Variants in RBFOX1 observed in about 807,000 individuals in gnomAD.
RBFOX1 encodes RNA binding fox-1 homolog 1.
In RBFOX1, 8 loss-of-function variants were observed where a neutral mutation model predicts 57.7. The observed-to-expected ratio is 0.14, with a 90% confidence interval of 0.08 to 0.25. RBFOX1 has a LOEUF of 0.25. RBFOX1 is among the 10% of genes least tolerant of loss of function. RBFOX1 has a pLI of 1.00. For synonymous variants in RBFOX1, 326 were observed against 222.4 expected (o/e 1.47, Z -4.15); for missense variants, 611 against 548.5 (o/e 1.11, Z -1.14).
intron 14 of RBFOX1, among the ~76,000 whole-genome samples, chr16:7,692,785 A>G (rs2077632923): frequency 6.6e-6 from 1 of 152,264 alleles, no homozygotes; most frequent in African/African-American, 2.4e-5. Flanking sequence ...TTCAATTGAC[A>G]AGTTCTCTTA....
chr16:6,809,760 A>G (rs1490082321), intron 3 of RBFOX1, among the ~76,000 whole-genome samples: 1 of 151,900 alleles, frequency 6.6e-6, no homozygotes, highest in Non-Finnish European at 1.5e-5. Flanking sequence ...AGATGGGGCA[A>G]TCATAGAAAG....
chr16:5,857,970 T>A (rs1372599583), intron 3 of RBFOX1, among the ~76,000 whole-genome samples: 1 of 151,870 alleles, frequency 6.6e-6, no homozygotes, highest in African/African-American at 2.4e-5. Flanking sequence ...AGAAATGTTA[T>A]AAAATATCAT....
chr16:5,856,824 T>C (rs1208081833), intron 3 of RBFOX1, among the ~76,000 whole-genome samples: 3 of 151,676 alleles, frequency 2.0e-5, no homozygotes, highest in Non-Finnish European at 4.4e-5. Context: ...TAAGGGAATG[T>C]TGTGGCTTAT....
intron 3 of RBFOX1, among the ~76,000 whole-genome samples, chr16:5,721,826 GT>G (rs1434544949): frequency 6.6e-6 from 1 of 152,172 alleles, no homozygotes; most frequent in African/African-American, 2.4e-5. Context: ...CAAAGGGCTT[GT>G]AACTAGAGAA....
At chr16:5,631,359 C>T (rs111892146) in intron 3 of RBFOX1, among the ~76,000 whole-genome samples, 7 of 152,092 alleles carry the variant, frequency 4.6e-5, no homozygotes, top group African/African-American at 2.4e-5. Context: ...GAGTTCAAGA[C>T]CAGCCTGGCC....
intron 2 of RBFOX1, among the ~76,000 whole-genome samples, chr16:5,512,094 C>T (rs907917575): frequency 3.3e-5 from 5 of 152,086 alleles, no homozygotes; most frequent in Admixed American, 6.5e-5. Context: ...ATGTCTTGTC[C>T]GGAGGAGGGT....
At chr16:5,891,084 C>G (rs1282942387) in intron 4 of RBFOX1, among the ~76,000 whole-genome samples, 1 of 152,184 alleles carries the variant, frequency 6.6e-6, no homozygotes, top group African/African-American at 2.4e-5. Context: ...TGATACTTGT[C>G]AACCGTAACT....
At chr16:5,833,481 C>G (rs550472957) in intron 3 of RBFOX1, among the ~76,000 whole-genome samples, 1 of 128,936 alleles carries the variant, frequency 7.8e-6, no homozygotes, top group Non-Finnish European at 1.5e-5. Context: ...GGCGACAGAG[C>G]GAGACTCTAT....
At chr16:7,577,491 A>G (rs2093429481) in intron 5 of RBFOX1, among the ~76,000 whole-genome samples, 1 of 152,194 alleles carries the variant, frequency 6.6e-6, no homozygotes, top group African/African-American at 2.4e-5. Flanking sequence ...TCTCTTAGAC[A>G]TCTCCCACTT....
At chr16:7,297,895 T>C (rs1294644380) in intron 4 of RBFOX1, among the ~76,000 whole-genome samples, 3 of 152,050 alleles carry the variant, frequency 2.0e-5, no homozygotes, top group Non-Finnish European at 4.4e-5. Context: ...TTCCGGGCCC[T>C]TTTGTATGCA....
intron 1 of RBFOX1, among the ~76,000 whole-genome samples, chr16:5,261,581 T>G (rs1387551722): frequency 7.1e-6 from 1 of 141,422 alleles, no homozygotes; most frequent in African/African-American, 2.6e-5. Context: ...TTGGAGTCTC[T>G]CCCTGTCACC....
chr16:7,382,960 A>G (rs1220370396), intron 4 of RBFOX1, among the ~76,000 whole-genome samples: 1 of 152,216 alleles, frequency 6.6e-6, no homozygotes, highest in Non-Finnish European at 1.5e-5. Flanking sequence ...CATTGAAGAG[A>G]AAAGAAGGAA....
intron 3 of RBFOX1, among the ~76,000 whole-genome samples, chr16:7,024,678 C>G (rs147176868): frequency 2.6e-5 from 4 of 152,100 alleles, no homozygotes; most frequent in Non-Finnish European, 5.9e-5. Context: ...CACTTAGATA[C>G]GAATGGAGGA....
intron 4 of RBFOX1, among the ~76,000 whole-genome samples, chr16:7,238,626 C>A (rs890918546): frequency 3.3e-5 from 5 of 152,112 alleles, no homozygotes; most frequent in Non-Finnish European, 7.4e-5. Context: ...ATATGCATTT[C>A]TTTCTCTCTT....
chr16:6,215,935 G>A (rs2152865345), intron 1 of RBFOX1, among the ~76,000 whole-genome samples: 2 of 152,216 alleles, frequency 1.3e-5, no homozygotes, highest in Middle Eastern at 3.4e-3. Flanking sequence ...CTCTCTAACT[G>A]GGAAGATCAC....
chr16:5,512,705 A>G (rs545030271), intron 2 of RBFOX1, among the ~76,000 whole-genome samples: 1 of 152,120 alleles, frequency 6.6e-6, no homozygotes, highest in Non-Finnish European at 1.5e-5. Flanking sequence ...ACTCAGCTTT[A>G]CCTATTGTTA....
At chr16:6,496,992 G>A (rs551494037) in intron 2 of RBFOX1, among the ~76,000 whole-genome samples, 1 of 152,120 alleles carries the variant, frequency 6.6e-6, no homozygotes, top group South Asian at 2.1e-4. Context: ...AATGCACTAA[G>A]TATAGTATCT....
In RBFOX1 at chr16:7,274,674, GT is replaced by G. The variant is rs913377006; in HGVS notation, c.27+222584del. Reference sequence around the variant, plus strand: ...TTATTTATTTGAGATAGAGCATTAGGTTTTTTTTACTTTTTATTTTATTTTT... The same window carrying G: ...TTATTTATTTGAGATAGAGCATTAGGTTTTTTTACTTTTTATTTTATTTTT... On this transcript the variant is annotated intron_variant, in intron 4 of 15. Coordinates refer to ENST00000550418, the MANE Select transcript of RBFOX1 (RefSeq NM_018723.4). Among the ~76,000 whole-genome samples the G allele has an allele frequency of 2.3e-4, 33 of 145,930 alleles. No individual in the cohort carries two copies. In the East Asian group the frequency reaches 5.8e-3, roughly 25 times the overall value.
chr16:5,599,820 G>C (rs1054827445), exon 3 of RBFOX1: 1 of 153,180 alleles, frequency 6.5e-6, no homozygotes, highest in Non-Finnish European at 1.5e-5. Context: ...TGTAGGTATG[G>C]TGAGACATTG....
Sources: gnomAD v4.1 joint callset for allele counts (sites outside exome capture counted in the v4.1 genomes callset) on GRCh38, gnomAD v4.1.1 for gene constraint, MANE v1.5 for transcripts, NCBI Gene and HGNC (gene_info 2026-07-23, HGNC 2026-07-21) for gene names.